The following TLL1 variants were observed in gnomAD, a reference collection of about 807,000 sequenced individuals.
TLL1 encodes the protein tolloid like 1, also known as tolloid-like protein 1.
TLL1 carries 49 observed loss-of-function variants against 128.2 expected under a neutral mutation model. The ratio of observed to expected loss-of-function variants is 0.38; its 90% CI spans 0.30 to 0.48. TLL1 has a LOEUF of 0.48. Ranked by LOEUF, TLL1 falls within the 20% of genes least tolerant of loss-of-function variation. TLL1 has a pLI of 0.96. For synonymous variants in TLL1, 454 were observed against 418.8 expected (o/e 1.08, Z -1.03); for missense variants, 1,123 against 1,242.0 (o/e 0.90, Z 1.44).
At chr4:165,995,945 A>C (rs1195287347) in intron 5 of TLL1, among the ~76,000 whole-genome samples, 3 of 152,074 alleles carry the variant, frequency 2.0e-5, no homozygotes, top group African/African-American at 7.2e-5. Flanking sequence ...GTTTTCAATA[A>C]ATTTATATTT....
At chr4:166,087,298 CA>C (rs1332859617) in intron 18 of TLL1, among the ~76,000 whole-genome samples, 2 of 152,052 alleles carry the variant, frequency 1.3e-5, no homozygotes, top group South Asian at 2.1e-4. Flanking sequence ...ATTTAAAAAA[CA>C]AAAACATCTA....
At chr4:166,026,643 C>T (rs1314626189) in intron 9 of TLL1, among the ~76,000 whole-genome samples, 2 of 151,742 alleles carry the variant, frequency 1.3e-5, no homozygotes, top group African/African-American at 4.8e-5. Context: ...GCCGAGATGG[C>T]GCCGTTGCAC....
intron 12 of TLL1, among the ~76,000 whole-genome samples, chr4:166,050,544 A>C (rs1739667354): frequency 6.6e-6 from 1 of 152,204 alleles, no homozygotes; most frequent in African/African-American, 2.4e-5. Flanking sequence ...ATTATTATCT[A>C]GAAATTTCTA....
At chr4:165,892,328 G>T (rs1731464187) in intron 1 of TLL1, among the ~76,000 whole-genome samples, 1 of 152,124 alleles carries the variant, frequency 6.6e-6, no homozygotes, top group African/African-American at 2.4e-5. Context: ...CAGTTACAGG[G>T]CCTCAAAGGA....
chr4:166,007,683 T>C (rs1315053223), intron 6 of TLL1, among the ~76,000 whole-genome samples: 1 of 151,746 alleles, frequency 6.6e-6, no homozygotes, highest in Non-Finnish European at 1.5e-5. Flanking sequence ...TAAAAGAGCA[T>C]ACATATAAAA....
chr4:166,020,807 A>G (rs2111061806), intron 8 of TLL1, among the ~76,000 whole-genome samples: 1 of 152,312 alleles, frequency 6.6e-6, no homozygotes, highest in East Asian at 1.9e-4. Context: ...TAAAAGTATA[A>G]CATAAATTGA....
At chr4:165,895,041 A>G (rs1327853585) in intron 1 of TLL1, among the ~76,000 whole-genome samples, 1 of 152,146 alleles carries the variant, frequency 6.6e-6, no homozygotes, top group African/African-American at 2.4e-5. Context: ...GTAATCTATT[A>G]ATGAGATAAA....
chr4:165,929,257 T>G (rs1003377885), intron 1 of TLL1, among the ~76,000 whole-genome samples: 22 of 152,204 alleles, frequency 1.4e-4, no homozygotes, highest in African/African-American at 5.3e-4. Flanking sequence ...AACTGTGTAT[T>G]CTGAGGGAAA....
chr4:165,959,209 C>G (rs1462536371), intron 1 of TLL1, among the ~76,000 whole-genome samples: 2 of 151,774 alleles, frequency 1.3e-5, no homozygotes, highest in Non-Finnish European at 2.9e-5. Flanking sequence ...TTTTTTGGTT[C>G]CATATGAACT....
chr4:166,035,495 C>T (rs1443877267), intron 9 of TLL1, among the ~76,000 whole-genome samples: 1 of 152,070 alleles, frequency 6.6e-6, no homozygotes. Context: ...ATATGGTGAC[C>T]TCCCGTTTAC....
chr4:166,061,749 T>C (rs970867106), intron 15 of TLL1, among the ~76,000 whole-genome samples: 3 of 152,180 alleles, frequency 2.0e-5, no homozygotes, highest in Non-Finnish European at 2.9e-5. Flanking sequence ...ATTTTGGCTT[T>C]TGTTGTCATT....
In TLL1 at chr4:166,102,443, G is replaced by T. The variant is rs1469657169; in HGVS notation, c.*1567G>T. 1.3e-5 allele frequency: 2 copies of T among 152,330 alleles called. No individual in the cohort carries two copies. Among genetic ancestry groups the T allele is most frequent in the African/African-American group, 2.4e-5 (1 of 41,394 alleles). 9.4% of individuals were successfully genotyped at this position (152,330 alleles called of 1,614,324 possible). On this transcript the variant is annotated 3_prime_UTR_variant, in exon 21 of 21. Coordinates refer to ENST00000061240, the MANE Select transcript of TLL1 (RefSeq NM_012464.5). ...GGGTGGTTGAAAAGTTAAAATGTATGTGCCAAGTTCTACTAGAATTCCATT... is the reference window on the plus strand; with the variant it reads ...GGGTGGTTGAAAAGTTAAAATGTATTTGCCAAGTTCTACTAGAATTCCATT...
At chr4:166,029,374 C>A (rs1180894235) in intron 9 of TLL1, among the ~76,000 whole-genome samples, 1 of 151,918 alleles carries the variant, frequency 6.6e-6, no homozygotes, top group Non-Finnish European at 1.5e-5. Context: ...TATTGCTTTG[C>A]ATATTTGTTG....
intron 8 of TLL1, among the ~76,000 whole-genome samples, chr4:166,019,615 C>A (rs924868102): frequency 6.6e-6 from 1 of 151,842 alleles, no homozygotes; most frequent in African/African-American, 2.4e-5. Context: ...GTTAGATATA[C>A]AAGACTATGG....
At chr4:165,981,664 T>G (rs1402227767) in intron 1 of TLL1, among the ~76,000 whole-genome samples, 4 of 152,076 alleles carry the variant, frequency 2.6e-5, no homozygotes, top group African/African-American at 9.7e-5. Context: ...TTTTCCTTTA[T>G]TATCTCAAAC....
At chr4:165,903,252 G>C (rs79742285) in intron 1 of TLL1, among the ~76,000 whole-genome samples, 2 of 151,820 alleles carry the variant, frequency 1.3e-5, no homozygotes, top group African/African-American at 4.8e-5. Flanking sequence ...GCAGGAGAAT[G>C]GCTTGAACCC....
At chr4:166,089,145 T>A (rs754906460) in intron 18 of TLL1, among the ~76,000 whole-genome samples, 6 of 152,168 alleles carry the variant, frequency 3.9e-5, no homozygotes, top group Non-Finnish European at 8.8e-5. Context: ...GCAGTGGTTT[T>A]CAGATATTCT....
intron 1 of TLL1, among the ~76,000 whole-genome samples, chr4:165,941,681 A>G (rs1475429287): frequency 1.3e-5 from 2 of 152,158 alleles, no homozygotes; most frequent in East Asian, 3.9e-4. Context: ...CTTAAAATTA[A>G]TCTAAATGTA....
intron 16 of TLL1, among the ~76,000 whole-genome samples, chr4:166,072,783 G>T (rs963970836): frequency 6.6e-6 from 1 of 151,798 alleles, no homozygotes; most frequent in Admixed American, 6.6e-5. Flanking sequence ...TTTTAACATT[G>T]TTGTATGTTT....
Sources: allele counts gnomAD v4.1 joint callset (sites outside exome capture counted in the v4.1 genomes callset), GRCh38; gene constraint gnomAD v4.1.1; transcripts MANE v1.5; gene names NCBI Gene and HGNC (gene_info 2026-07-23, HGNC 2026-07-21).